Variants in ARSB observed in about 807,000 individuals in gnomAD.
ARSB encodes the protein arylsulfatase B.
ARSB carries 41 observed loss-of-function variants against 50.9 expected under a neutral mutation model. That is an observed-to-expected ratio of 0.81 (90% confidence interval 0.63 to 1.04). The LOEUF (loss-of-function observed/expected upper bound fraction) is 1.04. ARSB is among the 50% of genes least tolerant of loss of function. The probability of loss-of-function intolerance (pLI) is 0.00; values close to 1 mark genes in which losing one functional copy is unlikely to be tolerated. For missense variants in ARSB, 672 were observed against 693.3 expected, an observed-to-expected ratio of 0.97 and a Z score of 0.35; for synonymous variants, 269 against 284.8, an observed-to-expected ratio of 0.94 and a Z score of 0.56.
Position 78,885,747 on chromosome 5 carries a change from G to A in ARSB, c.979C>T (p.Arg327Ter), listed in dbSNP as rs773492223. 11 of 1,614,038 alleles carry A rather than the reference G, an allele frequency of 6.8e-6. No individual in the cohort carries two copies. The highest frequency in any genetic ancestry group is 2.2e-5 in the South Asian group (2 of 91,070). The change falls in exon 5 of 8, where the codon CGA becomes TGA. Residue 327 changes from arginine to a stop codon, truncating the protein, a stop_gained. Coordinates refer to ENST00000264914, the MANE Select transcript of ARSB (RefSeq NM_000046.5). LOFTEE classifies it high-confidence loss of function. ...RKWSLWEGGVRGVGFVASPLL... is the reference protein window; with the variant it reads ...RKWSLWEGGV Reference sequence around the variant, plus strand: ...GGGCTTGCCACAAAGCCCACCCCTCGGACGCCTCCTTCCCACAGGCTCCAT... The same window carrying A: ...GGGCTTGCCACAAAGCCCACCCCTCAGACGCCTCCTTCCCACAGGCTCCAT...
chr5:78,851,994 T>TGGG (rs202081697), intron 5 of ARSB, among the ~76,000 whole-genome samples: 1,762 of 152,350 alleles, frequency 0.012, 17 homozygotes, highest in South Asian at 0.034. Context: ...AGCACACTAA[T>TGGG]GGGTCTTGAC....
At chr5:78,914,100 T>C (rs1749437244) in intron 4 of ARSB, among the ~76,000 whole-genome samples, 1 of 151,926 alleles carries the variant, frequency 6.6e-6, no homozygotes, top group Admixed American at 6.6e-5. Context: ...GTAGCTGGGA[T>C]TACAGATATG....
intron 3 of ARSB, among the ~76,000 whole-genome samples, chr5:78,963,463 C>T (rs1192363191): frequency 6.6e-6 from 1 of 152,078 alleles, no homozygotes; most frequent in African/African-American, 2.4e-5. Flanking sequence ...GGGAGCACTG[C>T]ATATTCTATA....
chr5:78,979,936 AT>A (rs1304749424), intron 1 of ARSB, among the ~76,000 whole-genome samples: 1 of 152,260 alleles, frequency 6.6e-6, no homozygotes, highest in Non-Finnish European at 1.5e-5. Flanking sequence ...AAAATGTGGC[AT>A]GTCCATATCA....
chr5:78,847,791 C>A (rs1745514274), intron 5 of ARSB, among the ~76,000 whole-genome samples: 2 of 152,046 alleles, frequency 1.3e-5, no homozygotes, highest in African/African-American at 4.8e-5. Flanking sequence ...TCAATCATGG[C>A]ACATTGCATG....
intron 6 of ARSB, chr5:78,817,061 T>C: frequency 3.1e-5 from 31 of 984,920 alleles, no homozygotes; most frequent in Non-Finnish European, 3.7e-5. Context: ...AGGAAATAAA[T>C]GCAGCAGCCC....
intron 4 of ARSB, among the ~76,000 whole-genome samples, chr5:78,918,305 C>T (rs548021218): frequency 1.3e-5 from 2 of 152,112 alleles, no homozygotes; most frequent in South Asian, 2.1e-4. Context: ...TTATTTTCTA[C>T]GTGGAATTAA....
At chr5:78,904,293 TA>T in intron 4 of ARSB, among the ~76,000 whole-genome samples, 1 of 152,344 alleles carries the variant, frequency 6.6e-6, no homozygotes, top group East Asian at 1.9e-4. Flanking sequence ...AAAGATGCTA[TA>T]AATATATGGG....
intron 3 of ARSB, 124 bp downstream of exon 3, chr5:78,964,292 T>C: frequency 1.0e-6 from 1 of 987,072 alleles, no homozygotes; most frequent in Non-Finnish European, 1.5e-6. Flanking sequence ...CTGTATAATT[T>C]GAAAAGGACT....
At chr5:78,807,985 T>C (rs886593687) in intron 6 of ARSB, among the ~76,000 whole-genome samples, 10 of 142,692 alleles carry the variant, frequency 7.0e-5, no homozygotes, top group South Asian at 2.2e-4. Context: ...CCCAGCTACT[T>C]GGGAGGCTGA....
intron 1 of ARSB, among the ~76,000 whole-genome samples, chr5:78,978,144 G>C (rs756621353): frequency 6.6e-6 from 1 of 152,140 alleles, no homozygotes; most frequent in South Asian, 2.1e-4. Context: ...TTCAAGACCA[G>C]CCTGGCCAAC....
rs943915659 is a variant in ARSB at position 78,976,737 on chromosome 5, A to T, written c.313-7545T>A. ...AAATATGCCCATTTAGAACACTGTT[A>T]GATTCGAAATGTTCTTTAGTGTATA... On this transcript the variant is annotated intron_variant, in intron 1 of 7. Coordinates refer to ENST00000264914, the MANE Select transcript of ARSB (RefSeq NM_000046.5). 3.9e-5 allele frequency among the ~76,000 whole-genome samples: 6 copies of T among 152,368 alleles called. 1 individual carries two copies. In the South Asian group the frequency reaches 1.2e-3, roughly 32 times the overall value.
chr5:78,854,272 A>G (rs979611189), intron 5 of ARSB, among the ~76,000 whole-genome samples: 2 of 151,794 alleles, frequency 1.3e-5, no homozygotes, highest in African/African-American at 4.8e-5. Flanking sequence ...CTAATTTTGG[A>G]TTTGGCTTGT....
intron 4 of ARSB, among the ~76,000 whole-genome samples, chr5:78,911,078 C>CA (rs537225268): frequency 2.0e-5 from 3 of 151,506 alleles, no homozygotes; most frequent in Non-Finnish European, 4.4e-5. Context: ...AAAAAATAAG[C>CA]AAAAAACGAA....
intron 5 of ARSB, among the ~76,000 whole-genome samples, chr5:78,844,194 C>G (rs1454716624): frequency 1.3e-5 from 2 of 152,158 alleles, no homozygotes; most frequent in South Asian, 2.1e-4. Flanking sequence ...TTCTCCACAT[C>G]TTTGACAACA....
intron 6 of ARSB, among the ~76,000 whole-genome samples, chr5:78,830,483 T>C (rs1031610937): frequency 1.3e-5 from 2 of 152,206 alleles, no homozygotes; most frequent in Non-Finnish European, 2.9e-5. Context: ...CTGCGTAGCC[T>C]AGGCCAGTGG....
chr5:78,820,949 C>A (rs180694476), intron 6 of ARSB, among the ~76,000 whole-genome samples: 8,109 of 150,168 alleles, frequency 0.054, 340 homozygotes, highest in Admixed American at 0.15. Flanking sequence ...AAAAAAAAAA[C>A]CCCACAACAT....
chr5:78,952,946 G>A (rs1751551332), intron 4 of ARSB, among the ~76,000 whole-genome samples: 1 of 151,904 alleles, frequency 6.6e-6, no homozygotes, highest in South Asian at 2.1e-4. Context: ...ATTCTTTCTA[G>A]TGACTTCTCT....
At chr5:78,784,005 T>TA (rs72100328) in intron 6 of ARSB, among the ~76,000 whole-genome samples, 4,571 of 151,980 alleles carry the variant, frequency 0.03, 230 homozygotes, top group African/African-American at 0.11. Flanking sequence ...TGCCTTTTTT[T>TA]AAAAAAAATA....
Sources: gnomAD v4.1 joint callset for allele counts (sites outside exome capture counted in the v4.1 genomes callset) on GRCh38, gnomAD v4.1.1 for gene constraint, MANE v1.5 for transcripts, NCBI Gene and HGNC (gene_info 2026-07-23, HGNC 2026-07-21) for gene names.